RNF217: variants seen among roughly 807,000 people sequenced by gnomAD.
The protein encoded by RNF217 is ring finger protein 217.
Under a neutral mutation model 57.8 loss-of-function variants are expected in RNF217, and 31 were observed. That is an observed-to-expected ratio of 0.54 (90% confidence interval 0.40 to 0.72). The LOEUF (loss-of-function observed/expected upper bound fraction) is 0.72, where lower values mean the gene tolerates loss of function less well. Among genes scored for constraint, RNF217 ranks in the 30% least tolerant of loss-of-function variants. The pLI is 0.00. For synonymous variants in RNF217, 313 were observed against 294.0 expected (o/e 1.06, Z -0.66); for missense variants, 696 against 708.3 (o/e 0.98, Z 0.20).
chr6:124,963,054 G>A lies in RNF217; in HGVS notation c.510G>A (p.Glu170=). The stretch of plus-strand genomic sequence containing the variant: ...TCTTCTGCTCCGTGTACTGCGTGGA[G>A]AGCGACCTGCCCGAGGCCCCCGCCT... The part of the protein sequence containing the change: ...RQVFCSVYCV[E]SDLPEAPASE... Residue 170 remains glutamate, a synonymous_variant, in exon 1 of 6, where the codon GAG becomes GAA. Transcript: ENST00000521654. The A allele has an allele frequency of 6.3e-7, 1 of 1,575,720 alleles. No individual in the cohort carries two copies. Among genetic ancestry groups the A allele is most frequent in the Non-Finnish European group, 8.6e-7 (1 of 1,169,142 alleles).
chr6:124,985,559 A>T (rs1784338992), intron 1 of RNF217, among the ~76,000 whole-genome samples: 1 of 152,216 alleles, frequency 6.6e-6, no homozygotes, highest in African/African-American at 2.4e-5. Context: ...AATTTTAACT[A>T]AATCTCTACA....
chr6:124,972,194 G>C (rs1447527364), intron 1 of RNF217, among the ~76,000 whole-genome samples: 8 of 152,170 alleles, frequency 5.3e-5, no homozygotes, highest in African/African-American at 1.9e-4. Flanking sequence ...TCATCATTGA[G>C]CTATTCTTCT....
At chr6:125,026,920 AAATATT>A (rs1288850834) in intron 1 of RNF217, among the ~76,000 whole-genome samples, 3 of 152,114 alleles carry the variant, frequency 2.0e-5, no homozygotes, top group African/African-American at 4.8e-5. Context: ...TGGATACAGT[AAATATT>A]AATATTAATA....
rs114680629 is a variant in RNF217 at position 125,092,350 on chromosome 6, G to A, written c.*9413G>A. On this transcript the variant is annotated 3_prime_UTR_variant, in exon 6 of 6. Transcript: ENST00000521654. ...TTTGGAGTCTAATTTCCGACTTTTC[G>A]TAATGTCCCAATGACCTTTTGTTGT... is the stretch of plus-strand genomic sequence containing the variant. 2.8e-4 allele frequency: 43 copies of A among 152,220 alleles called. No individual in the cohort carries two copies. The highest frequency in any genetic ancestry group is 9.1e-4 in the African/African-American group (38 of 41,536). The allele number at this position is 152,220 out of a possible 1,614,324, so 9.4% of individuals were successfully genotyped here.
Position 124,963,037 on chromosome 6 carries a change from T to C in RNF217, c.493T>C (p.Ser165Pro). 6.3e-7 allele frequency: 1 copy of C among 1,589,218 alleles called. No homozygotes were observed. The highest frequency in any genetic ancestry group is 1.7e-5 in the Admixed American group (1 of 58,574). Residue 165 changes from serine (S) to proline (P), a missense_variant, in exon 1 of 6, where the codon TCC becomes CCC. Coordinates refer to ENST00000521654, the MANE Select transcript of RNF217 (RefSeq NM_001286398.3). ...PSLAKRQVFCSVYCVESDLPE... is the reference protein window; with the variant it reads ...PSLAKRQVFCPVYCVESDLPE... ...CCTCGCCAAGAGACAAGTCTTCTGCTCCGTGTACTGCGTGGAGAGCGACCT... is the reference window on the plus strand; with the variant it reads ...CCTCGCCAAGAGACAAGTCTTCTGCCCCGTGTACTGCGTGGAGAGCGACCT...
At chr6:124,974,101 G>C (rs983925564) in intron 1 of RNF217, among the ~76,000 whole-genome samples, 2 of 152,172 alleles carry the variant, frequency 1.3e-5, no homozygotes, top group Non-Finnish European at 2.9e-5. Context: ...GAAGCTGCAT[G>C]ACATTTTCTG....
At chr6:125,074,884 A>C (rs909552669) in intron 3 of RNF217, among the ~76,000 whole-genome samples, 2 of 152,334 alleles carry the variant, frequency 1.3e-5, no homozygotes, top group South Asian at 4.1e-4. Context: ...TAAAACTCCC[A>C]ATTGCTTTAA....
intron 1 of RNF217, among the ~76,000 whole-genome samples, chr6:125,022,561 T>G (rs561812796): frequency 1.3e-5 from 2 of 152,280 alleles, no homozygotes; most frequent in South Asian, 4.1e-4. Flanking sequence ...GGGGTGTGGT[T>G]GTTCCTTTAA....
chr6:125,044,638 A>C (rs1787025473), intron 1 of RNF217, among the ~76,000 whole-genome samples: 2 of 152,086 alleles, frequency 1.3e-5, no homozygotes, highest in African/African-American at 4.8e-5. Flanking sequence ...TTATATAGGA[A>C]CTACTTACTT....
intron 3 of RNF217, among the ~76,000 whole-genome samples, chr6:125,066,982 A>G (rs113010735): frequency 4.8e-4 from 49 of 102,330 alleles, no homozygotes; most frequent in Middle Eastern, 5.0e-3. Flanking sequence ...ATTGCACTTC[A>G]GTGGAATGTT....
chr6:124,977,841 A>T (rs1784022701), intron 1 of RNF217, among the ~76,000 whole-genome samples: 1 of 152,192 alleles, frequency 6.6e-6, no homozygotes. Flanking sequence ...GCACATGTTC[A>T]GGTTATTAGG....
chr6:125,020,456 T>A (rs1032305852), intron 1 of RNF217, among the ~76,000 whole-genome samples: 19 of 152,346 alleles, frequency 1.2e-4, no homozygotes, highest in African/African-American at 3.6e-4. Context: ...AGTTTTTACT[T>A]CTATCATGCA....
At chr6:124,991,275 C>T (rs1784551359) in intron 1 of RNF217, among the ~76,000 whole-genome samples, 1 of 152,218 alleles carries the variant, frequency 6.6e-6, no homozygotes, top group Non-Finnish European at 1.5e-5. Flanking sequence ...CTCTTTCTCA[C>T]ATCAAACCCA....
At chr6:125,046,935 A>G (rs1051251028) in intron 2 of RNF217, among the ~76,000 whole-genome samples, 3 of 152,058 alleles carry the variant, frequency 2.0e-5, no homozygotes, top group African/African-American at 7.2e-5. Flanking sequence ...AAAAAGCATT[A>G]TTTTTGAGGT....
At chr6:125,034,515 A>G (rs375729913) in intron 1 of RNF217, among the ~76,000 whole-genome samples, 9,156 of 151,496 alleles carry the variant, frequency 0.06, 499 homozygotes, top group African/African-American at 0.15. Flanking sequence ...TAGATATGCG[A>G]CATTATTTCT....
Position 125,084,952 on chromosome 6 carries a change from A to T in RNF217, c.*2015A>T, listed in dbSNP as rs1203559378. 1.3e-5 allele frequency: 2 copies of T among 151,898 alleles called. No homozygotes were observed. Among genetic ancestry groups the T allele is most frequent in the Admixed American group, 6.6e-5 (1 of 15,218 alleles). 9.4% of individuals were successfully genotyped at this position (151,898 alleles called of 1,614,324 possible). On this transcript the variant is annotated 3_prime_UTR_variant, in exon 6 of 6. Transcript: ENST00000521654. ...TCGTAAATTCATCTTTCCTGAACTTAGGCATTAGTTTGGCAATATGTGAAT... is the reference window on the plus strand; with the variant it reads ...TCGTAAATTCATCTTTCCTGAACTTTGGCATTAGTTTGGCAATATGTGAAT...
At chr6:125,026,103 C>G (rs1056094570) in intron 1 of RNF217, among the ~76,000 whole-genome samples, 2 of 152,106 alleles carry the variant, frequency 1.3e-5, no homozygotes, top group Admixed American at 1.3e-4. Context: ...ACTGCTTGTA[C>G]TTTTCAAAGT....
rs1788875693 is a variant in RNF217 at position 125,089,656 on chromosome 6, G to A, written c.*6719G>A. 6.6e-6 allele frequency: 1 copy of A among 152,102 alleles called. No individual in the cohort carries two copies. Among genetic ancestry groups the A allele is most frequent in the Non-Finnish European group, 1.5e-5 (1 of 68,018 alleles). The allele number at this position is 152,102 out of a possible 1,614,324, so 9.4% of individuals were successfully genotyped here. On this transcript the variant is annotated 3_prime_UTR_variant, in exon 6 of 6. Coordinates refer to ENST00000521654, the MANE Select transcript of RNF217 (RefSeq NM_001286398.3). ...TTCAGTACATAACAGGAAAGAAAAAGGGAGAGACAGACTTGAGTGTTAAAG... is the reference window on the plus strand; with the variant it reads ...TTCAGTACATAACAGGAAAGAAAAAAGGAGAGACAGACTTGAGTGTTAAAG...
In RNF217 at chr6:125,058,079, G is replaced by A. The variant is rs1468014626; in HGVS notation, c.1254G>A (p.Arg418=). The change falls in exon 3 of 6, where the codon AGG becomes AGA. Residue 418 remains arginine (R), a synonymous_variant. Coordinates refer to ENST00000521654, the MANE Select transcript of RNF217 (RefSeq NM_001286398.3). The part of the protein sequence containing the change: ...HWASEIEHGQ[R]NAQKCPKCKI... The stretch of plus-strand genomic sequence containing the variant: ...CCAGCGAAATTGAGCATGGGCAGAG[G>A]AATGCCCAGAAGTGTCCAAAGTGCA... 6.2e-7 allele frequency: 1 copy of A among 1,613,326 alleles called. No homozygotes were observed. The highest frequency in any genetic ancestry group is 8.5e-7 in the Non-Finnish European group (1 of 1,179,632).
Sources: gnomAD v4.1 joint callset for allele counts (sites outside exome capture counted in the v4.1 genomes callset) on GRCh38, gnomAD v4.1.1 for gene constraint, MANE v1.5 for transcripts, NCBI Gene and HGNC (gene_info 2026-07-23, HGNC 2026-07-21) for gene names.